The following CNTNAP5 variants were observed in gnomAD, a reference collection of about 807,000 sequenced individuals.
The protein encoded by CNTNAP5 is contactin associated protein family member 5, also known as contactin-associated protein-like 5.
Under a neutral mutation model 150.2 loss-of-function variants are expected in CNTNAP5, and 72 were observed. That is an observed-to-expected ratio of 0.48 (90% CI 0.40 to 0.58). CNTNAP5 has a LOEUF of 0.58. Ranked by LOEUF, CNTNAP5 falls within the 20% of genes least tolerant of loss-of-function variation. The probability of loss-of-function intolerance (pLI) is 0.00; values close to 1 mark genes in which losing one functional copy is unlikely to be tolerated. For missense variants in CNTNAP5, 1,636 were observed against 1,626.2 expected, an observed-to-expected ratio of 1.01 and a Z score of -0.10; for synonymous variants, 672 against 619.8, an observed-to-expected ratio of 1.08 and a Z score of -1.25.
At chr2:124,663,832 C>T (rs1239553335) in intron 13 of CNTNAP5, among the ~76,000 whole-genome samples, 1 of 152,146 alleles carries the variant, frequency 6.6e-6, no homozygotes, top group African/African-American at 2.4e-5. Flanking sequence ...CAACATTCCA[C>T]AATGAATTCC....
intron 13 of CNTNAP5, among the ~76,000 whole-genome samples, chr2:124,706,845 AG>A (rs1459851706): frequency 1.4e-3 from 3 of 2,200 alleles, no homozygotes; most frequent in Non-Finnish European, 2.9e-3. Flanking sequence ...AGGGGGAGGA[AG>A]GAGGAGGAGG....
intron 12 of CNTNAP5, among the ~76,000 whole-genome samples, chr2:124,611,549 G>A (rs966535657): frequency 1.3e-5 from 2 of 152,046 alleles, no homozygotes; most frequent in African/African-American, 4.8e-5. Context: ...TCAACAACCT[G>A]GTCAAAAACT....
chr2:124,793,125 G>C (rs1409703410), intron 18 of CNTNAP5, among the ~76,000 whole-genome samples: 2 of 152,002 alleles, frequency 1.3e-5, no homozygotes, highest in African/African-American at 4.8e-5. Context: ...TTTTCAAATC[G>C]GCTGTTCCAT....
At chr2:124,259,307 G>A (rs550930062) in intron 3 of CNTNAP5, among the ~76,000 whole-genome samples, 42 of 152,162 alleles carry the variant, frequency 2.8e-4, no homozygotes, top group South Asian at 6.2e-4. Flanking sequence ...GAGTAGTGCC[G>A]CAATAAACAT....
At chr2:124,697,094 T>TA (rs569150760) in intron 13 of CNTNAP5, among the ~76,000 whole-genome samples, 91 of 152,170 alleles carry the variant, frequency 6.0e-4, no homozygotes, top group African/African-American at 1.6e-3. Context: ...TTGATTTTTT[T>TA]AAAAAAAATC....
chr2:124,826,143 T>G (rs1297741976), intron 19 of CNTNAP5, among the ~76,000 whole-genome samples: 5 of 150,606 alleles, frequency 3.3e-5, no homozygotes, highest in Non-Finnish European at 7.3e-5. Flanking sequence ...CTTACTGAGT[T>G]ATTACTACAT....
intron 13 of CNTNAP5, among the ~76,000 whole-genome samples, chr2:124,726,169 G>T (rs925422857): frequency 1.2e-4 from 18 of 151,764 alleles, no homozygotes; most frequent in Non-Finnish European, 2.2e-4. Flanking sequence ...ATTCAGACAG[G>T]TCTGAGGTGA....
chr2:124,527,702 T>A (rs895923974), intron 10 of CNTNAP5, among the ~76,000 whole-genome samples: 1 of 152,158 alleles, frequency 6.6e-6, no homozygotes, highest in East Asian at 1.9e-4. Context: ...AAATACAAAT[T>A]TGTGAAAGGA....
chr2:124,120,790 T>C (rs1683542303), intron 1 of CNTNAP5, among the ~76,000 whole-genome samples: 1 of 152,162 alleles, frequency 6.6e-6, no homozygotes, highest in African/African-American at 2.4e-5. Context: ...GTAAAATAGA[T>C]ATCAACTAAA....
intron 3 of CNTNAP5, among the ~76,000 whole-genome samples, chr2:124,292,239 C>A (rs1376550487): frequency 4.6e-5 from 7 of 151,944 alleles, no homozygotes; most frequent in Admixed American, 2.6e-4. Flanking sequence ...ATCTTTAAGA[C>A]CCTTAGAAAA....
intron 13 of CNTNAP5, among the ~76,000 whole-genome samples, chr2:124,735,271 T>C (rs955567731): frequency 3.9e-5 from 6 of 152,344 alleles, no homozygotes; most frequent in Non-Finnish European, 1.5e-5. Context: ...CTTTGAGAGA[T>C]GCTGATATAA....
At chr2:124,280,335 T>C (rs1158716531) in intron 3 of CNTNAP5, among the ~76,000 whole-genome samples, 1 of 151,878 alleles carries the variant, frequency 6.6e-6, no homozygotes. Flanking sequence ...GCCCAGATAA[T>C]TTTTTTGTAT....
Position 124,780,057 on chromosome 2 carries a change from G to A in CNTNAP5, c.2752+7040G>A, listed in dbSNP as rs142960741. Among the ~76,000 whole-genome samples, 174 of 152,220 alleles carry A rather than the reference G, an allele frequency of 1.1e-3. 1 individual carries two copies. The highest frequency in any genetic ancestry group is 3.6e-3 in the African/African-American group (149 of 41,536). On this transcript the variant is annotated intron_variant, in intron 17 of 23. Coordinates refer to ENST00000682447, the MANE Select transcript of CNTNAP5 (RefSeq NM_001367498.1). ...GAATGAAGGCAGAGCTCCCCGTGCC[G>A]TCCATTCCACTAGTGGCTTTATGGT...
In CNTNAP5 at chr2:124,139,840, C is replaced by A. The variant is rs369891007; in HGVS notation, c.83-81865C>A. 1.1e-4 allele frequency among the ~76,000 whole-genome samples: 16 copies of A among 152,296 alleles called. No individual in the cohort carries two copies. The East Asian group carries it at 2.3e-3, about 22-fold the overall frequency. On this transcript the variant is annotated intron_variant, in intron 1 of 23. Transcript: ENST00000682447. The stretch of plus-strand genomic sequence containing the variant: ...TCTACAGCTCCCAGCGTGAGCGACG[C>A]AGAAGACGGGTGATTTCTGCATTTC...
intron 1 of CNTNAP5, among the ~76,000 whole-genome samples, chr2:124,183,167 A>T (rs1460298682): frequency 6.6e-6 from 1 of 152,144 alleles, no homozygotes; most frequent in African/African-American, 2.4e-5. Flanking sequence ...TATTCCTACC[A>T]CTTGGCTATA....
chr2:124,100,694 C>T (rs912952332), intron 1 of CNTNAP5, among the ~76,000 whole-genome samples: 2 of 141,634 alleles, frequency 1.4e-5, no homozygotes, highest in African/African-American at 5.1e-5. Context: ...AGCAAAGCCT[C>T]GTCTCTACAA....
intron 13 of CNTNAP5, among the ~76,000 whole-genome samples, chr2:124,688,401 C>A (rs1186101334): frequency 6.6e-6 from 1 of 151,956 alleles, no homozygotes; most frequent in Admixed American, 6.6e-5. Flanking sequence ...AAATCGCTAC[C>A]ACTTGAGGTA....
chr2:124,795,287 A>C (rs1234015824), intron 18 of CNTNAP5, among the ~76,000 whole-genome samples: 1 of 152,068 alleles, frequency 6.6e-6, no homozygotes, highest in South Asian at 2.1e-4. Flanking sequence ...TACAGGCCCC[A>C]TGGAGGCTCA....
At chr2:124,032,442 G>C (rs1307498221) in intron 1 of CNTNAP5, among the ~76,000 whole-genome samples, 1 of 152,134 alleles carries the variant, frequency 6.6e-6, no homozygotes, top group Non-Finnish European at 1.5e-5. Flanking sequence ...ATTACTCTGT[G>C]AAGGATAGAC....
Sources: allele counts gnomAD v4.1 joint callset (sites outside exome capture counted in the v4.1 genomes callset), GRCh38; gene constraint gnomAD v4.1.1; transcripts MANE v1.5; gene names NCBI Gene and HGNC (gene_info 2026-07-23, HGNC 2026-07-21).